NAV3: variants seen among roughly 807,000 people sequenced by gnomAD.
NAV3 encodes neuron navigator 3, also known as pore membrane and/or filament interacting like protein 1.
Under a neutral mutation model 244.7 loss-of-function variants are expected in NAV3, and 87 were observed. That is an observed-to-expected ratio of 0.36 (90% CI 0.30 to 0.42). NAV3 has a LOEUF of 0.42. Ranked by LOEUF, NAV3 falls within the 20% of genes least tolerant of loss-of-function variation. The pLI, the probability that NAV3 is intolerant of heterozygous loss-of-function variation, is 1.00. For missense variants in NAV3, 2,663 were observed against 2,893.3 expected, an observed-to-expected ratio of 0.92 and a Z score of 1.83; for synonymous variants, 1,126 against 1,042.2, an observed-to-expected ratio of 1.08 and a Z score of -1.55.
chr12:77,922,580 C>A (rs79353526), intron 1 of NAV3, among the ~76,000 whole-genome samples: 1 of 152,228 alleles, frequency 6.6e-6, no homozygotes, highest in Non-Finnish European at 1.5e-5. Flanking sequence ...CCTTTCAGAC[C>A]ACTGTTCCAG....
intron 1 of NAV3, among the ~76,000 whole-genome samples, chr12:77,927,797 T>G (rs1888358911): frequency 1.3e-5 from 2 of 152,190 alleles, no homozygotes; most frequent in Admixed American, 6.5e-5. Context: ...AGATCATTAG[T>G]CAGGCCCCAT....
rs1432963401 is a variant in NAV3, at chr12:78,050,039, A to C, written c.2070A>C (p.Ala690=). The C allele has an allele frequency of 1.9e-6, 3 of 1,613,416 alleles. No individual in the cohort carries two copies. Among genetic ancestry groups the C allele is most frequent in the Non-Finnish European group, 2.5e-6 (3 of 1,179,768 alleles). The change falls in exon 10 of 40, where the codon GCA becomes GCC. Residue 690 remains alanine (A), a synonymous_variant. Coordinates refer to ENST00000397909, the MANE Select transcript of NAV3 (RefSeq NM_001024383.2). ...TRRMRTVKNI[A]DLRQNLEETM... is the part of the protein sequence containing the mutation. ...GAATGAGAACAGTTAAAAACATAGC[A>C]GACTTGAGGCAGAATTTAGAAGAGA...
chr12:77,776,565 G>A (rs778629338), intron 2 of NAV3, among the ~76,000 whole-genome samples: 2 of 152,112 alleles, frequency 1.3e-5, no homozygotes, highest in East Asian at 1.9e-4. Flanking sequence ...GTAGAAGGAC[G>A]ATCTTATGAA....
chr12:77,857,879 C>CA (rs1445558942), intron 1 of NAV3, among the ~76,000 whole-genome samples: 1 of 151,846 alleles, frequency 6.6e-6, no homozygotes, highest in Non-Finnish European at 1.5e-5. Flanking sequence ...TTTTATGACA[C>CA]AGAGTTGATG....
At chr12:77,948,597 C>T (rs948781883) in intron 3 of NAV3, among the ~76,000 whole-genome samples, 4 of 151,436 alleles carry the variant, frequency 2.6e-5, no homozygotes, top group Admixed American at 6.6e-5. Context: ...AGACATATTT[C>T]GTAAGAATCC....
At chr12:77,783,369 A>C (rs1303360881) in intron 2 of NAV3, 1 of 152,100 alleles carries the variant, frequency 6.6e-6, no homozygotes, top group East Asian at 1.9e-4. Context: ...TGGCAGCCAC[A>C]TTCTCTTCCC....
intron 12 of NAV3, among the ~76,000 whole-genome samples, chr12:78,069,101 T>G (rs2137583045): frequency 6.6e-6 from 1 of 152,032 alleles, no homozygotes; most frequent in East Asian, 1.9e-4. Context: ...ATAGAGTGGG[T>G]GGCATGGACT....
chr12:77,597,647 A>G (rs1034206645), intron 2 of NAV3, among the ~76,000 whole-genome samples: 17 of 152,138 alleles, frequency 1.1e-4, no homozygotes, highest in African/African-American at 4.1e-4. Flanking sequence ...GGTGCAGGAG[A>G]TTTAACCATG....
At chr12:77,589,888 A>G (rs1869826523) in intron 2 of NAV3, among the ~76,000 whole-genome samples, 1 of 152,230 alleles carries the variant, frequency 6.6e-6, no homozygotes, top group South Asian at 2.1e-4. Context: ...GCTCTTCCCT[A>G]GCTGTATCAA....
At chr12:77,687,975 A>G (rs545503101) in intron 2 of NAV3, among the ~76,000 whole-genome samples, 1 of 152,226 alleles carries the variant, frequency 6.6e-6, no homozygotes, top group Non-Finnish European at 1.5e-5. Context: ...CATTTTGTAT[A>G]TATTAGTTGT....
chr12:77,786,289 G>GT (rs139049296), intron 2 of NAV3, among the ~76,000 whole-genome samples: 9 of 151,670 alleles, frequency 5.9e-5, no homozygotes, highest in East Asian at 1.9e-4. Context: ...GATATTATTT[G>GT]TTTTTTTTCC....
chr12:77,613,475 C>T (rs1467183271), intron 2 of NAV3, among the ~76,000 whole-genome samples: 1 of 152,124 alleles, frequency 6.6e-6, no homozygotes, highest in African/African-American at 2.4e-5. Context: ...ACATGAAAAT[C>T]ATGTTTCAAA....
chr12:77,819,997 C>T (rs1178633625), intron 2 of NAV3, among the ~76,000 whole-genome samples: 1 of 151,972 alleles, frequency 6.6e-6, no homozygotes, highest in East Asian at 1.9e-4. Flanking sequence ...AAGGGGAATG[C>T]ATATATGGAA....
chr12:78,205,925 A>G (rs1262674725), intron 39 of NAV3, among the ~76,000 whole-genome samples: 3 of 152,254 alleles, frequency 2.0e-5, no homozygotes, highest in African/African-American at 7.2e-5. Context: ...AAGACAAAAC[A>G]TAAATAATTA....
intron 2 of NAV3, among the ~76,000 whole-genome samples, chr12:77,629,178 T>A (rs115433460): frequency 1.6e-3 from 251 of 152,342 alleles, no homozygotes; most frequent in African/African-American, 5.8e-3. Context: ...AGTTGATTTA[T>A]TTTTAAGCCC....
chr12:77,738,878 G>A (rs1868274866), intron 2 of NAV3, among the ~76,000 whole-genome samples: 1 of 152,036 alleles, frequency 6.6e-6, no homozygotes, highest in South Asian at 2.1e-4. Flanking sequence ...CGGGCTTGGG[G>A]GCGGGCGCCT....
upstream of NAV3, among the ~76,000 whole-genome samples, chr12:77,826,960 G>A (rs113825134): frequency 0.17 from 25,966 of 152,160 alleles, 2,851 homozygotes; most frequent in Non-Finnish European, 0.24. Context: ...AGTGGTTCAC[G>A]CTTGTAATCC....
In NAV3 at chr12:78,024,867, C is replaced by T. The variant is rs373404675; in HGVS notation, c.2023+3005C>T. On this transcript the variant is annotated intron_variant, in intron 9 of 39. Coordinates refer to ENST00000397909, the MANE Select transcript of NAV3 (RefSeq NM_001024383.2). ...GCGGGCGCCTGTAGTCCCAGCTACT[C>T]GGGAGGCTGAGACAGGAGAATGGCA... 5.4e-4 allele frequency among the ~76,000 whole-genome samples: 82 copies of T among 150,896 alleles called. No homozygotes were observed. The South Asian group carries it at 9.9e-3, about 18-fold the overall frequency.
intron 1 of NAV3, among the ~76,000 whole-genome samples, chr12:77,831,998 C>G (rs1393439456): frequency 6.6e-6 from 1 of 152,164 alleles, no homozygotes; most frequent in Non-Finnish European, 1.5e-5. Context: ...TACTAATAAT[C>G]ATAATCAGTC....
Sources: gnomAD v4.1 joint callset for allele counts (sites outside exome capture counted in the v4.1 genomes callset) on GRCh38, gnomAD v4.1.1 for gene constraint, MANE v1.5 for transcripts, NCBI Gene and HGNC (gene_info 2026-07-23, HGNC 2026-07-21) for gene names.